Variants in ADGRL2 observed in about 807,000 individuals in gnomAD.
ADGRL2 encodes calcium-independent alpha-latrotoxin receptor 2.
A neutral mutation model predicts 157.4 loss-of-function variants in ADGRL2; 44 were observed. That is an observed-to-expected ratio of 0.28 (90% CI 0.22 to 0.36). The LOEUF (loss-of-function observed/expected upper bound fraction) is 0.36. Among genes scored for constraint, ADGRL2 ranks in the 10% least tolerant of loss-of-function variants. The probability of loss-of-function intolerance (pLI) is 1.00; values close to 1 mark genes in which losing one functional copy is unlikely to be tolerated. For missense variants in ADGRL2, 1,510 were observed against 1,768.9 expected (o/e 0.85, Z 2.63); for synonymous variants, 585 against 624.7 (o/e 0.94, Z 0.95).
chr1:81,426,974 G>T, intron 1 of ADGRL2: 1 of 818,246 alleles, frequency 1.2e-6, no homozygotes, highest in Non-Finnish European at 2.1e-6. Flanking sequence ...TGCAACTTTT[G>T]ATGATCACGA....
intron 3 of ADGRL2, among the ~76,000 whole-genome samples, chr1:81,661,841 C>T (rs972040533): frequency 7.9e-5 from 12 of 152,106 alleles, no homozygotes; most frequent in African/African-American, 2.9e-4. Context: ...GTATTGAAAA[C>T]AACAGGATGG....
At chr1:81,403,081 G>T (rs910446119) in intron 1 of ADGRL2, among the ~76,000 whole-genome samples, 7 of 152,050 alleles carry the variant, frequency 4.6e-5, no homozygotes, top group African/African-American at 1.7e-4. Context: ...TCAGTTGAGA[G>T]AAGGCCTAAC....
chr1:81,801,671 C>T (rs2088171248), intron 1 of ADGRL2, among the ~76,000 whole-genome samples: 1 of 152,142 alleles, frequency 6.6e-6, no homozygotes, highest in African/African-American at 2.4e-5. Flanking sequence ...GAGGGGTCGC[C>T]GCCGCCTCCC....
At chr1:81,385,068 G>A (rs1264348424) in intron 1 of ADGRL2, among the ~76,000 whole-genome samples, 1 of 152,028 alleles carries the variant, frequency 6.6e-6, no homozygotes, top group Non-Finnish European at 1.5e-5. Context: ...GGTAGTCTTT[G>A]ATAAATATAT....
At chr1:81,862,164 A>G (rs559426741) in intron 2 of ADGRL2, among the ~76,000 whole-genome samples, 2 of 152,294 alleles carry the variant, frequency 1.3e-5, no homozygotes, top group South Asian at 2.1e-4. Flanking sequence ...TAATGTGGAC[A>G]CTTAATATGT....
At chr1:81,938,622 TC>T (rs2095343836) in intron 4 of ADGRL2, among the ~76,000 whole-genome samples, 1 of 151,720 alleles carries the variant, frequency 6.6e-6, no homozygotes, top group Non-Finnish European at 1.5e-5. Flanking sequence ...CTGTTACCTT[TC>T]TAGACATTTG....
At chr1:81,889,889 A>C (rs2094216548) in intron 2 of ADGRL2, among the ~76,000 whole-genome samples, 1 of 152,186 alleles carries the variant, frequency 6.6e-6, no homozygotes, top group Admixed American at 6.5e-5. Flanking sequence ...AGGAATACAG[A>C]TGTACCCACC....
rs192933364 is a variant in ADGRL2 at position 81,360,327 on chromosome 1, A to C, written c.-302+53818A>C. On this transcript the variant is annotated intron_variant, in intron 1 of 24. Coordinates refer to the ADGRL2 transcript ENST00000370721. ...TTCTCAATTCTAATATTATTTCATC[A>C]AAGAGACTTTTCCCAGCCACAAAAA... 3.3e-5 allele frequency among the ~76,000 whole-genome samples: 5 copies of C among 151,910 alleles called. No homozygotes were observed. In the South Asian group the frequency reaches 1.0e-3, roughly 32 times the overall value.
At chr1:81,909,184 C>CT (rs1027468027) in intron 3 of ADGRL2, among the ~76,000 whole-genome samples, 16 of 151,686 alleles carry the variant, frequency 1.1e-4, no homozygotes, top group Non-Finnish European at 2.4e-4. Context: ...CCTTGTATAT[C>CT]TTTTTTGTAT....
At chr1:81,780,136 G>C (rs891377299) in intron 2 of ADGRL2, among the ~76,000 whole-genome samples, 2 of 152,074 alleles carry the variant, frequency 1.3e-5, no homozygotes, top group African/African-American at 4.8e-5. Flanking sequence ...CCATCTACAG[G>C]TTCTTGGATT....
At chr1:81,434,526 G>A (rs2077376418) in intron 1 of ADGRL2, among the ~76,000 whole-genome samples, 1 of 152,014 alleles carries the variant, frequency 6.6e-6, no homozygotes, top group Admixed American at 6.6e-5. Flanking sequence ...ATAAATATGT[G>A]TTGAATTAAT....
rs144812152 is a variant in ADGRL2 at position 81,616,039 on chromosome 1, C to A, written c.-143+35059C>A. On this transcript the variant is annotated intron_variant, in intron 3 of 24. Transcript: ENST00000370721. ...CACTGCGCACTCAAGCCTCACCCTT[C>A]CCCACCCCCACCCAACATCAAGGCC... Among the ~76,000 whole-genome samples the A allele has an allele frequency of 4.7e-3, 688 of 145,580 alleles. 10 individuals are homozygous for A. The highest frequency in any genetic ancestry group is 0.016 in the African/African-American group (642 of 39,786).
intron 1 of ADGRL2, among the ~76,000 whole-genome samples, chr1:81,422,541 A>G (rs917472377): frequency 6.6e-6 from 1 of 152,246 alleles, no homozygotes; most frequent in African/African-American, 2.4e-5. Flanking sequence ...CACCACGCCC[A>G]GCCAAATGTA....
intron 2 of ADGRL2, among the ~76,000 whole-genome samples, chr1:81,515,511 C>T (rs546691667): frequency 6.6e-6 from 1 of 150,478 alleles, no homozygotes; most frequent in African/African-American, 2.4e-5. Context: ...TTATTTATGA[C>T]AGTGTCTGTA....
chr1:81,934,075 A>C (rs958539651), intron 3 of ADGRL2, among the ~76,000 whole-genome samples: 3 of 152,116 alleles, frequency 2.0e-5, no homozygotes, highest in Non-Finnish European at 2.9e-5. Context: ...CAGGAGCTTC[A>C]TTAAATCAGT....
At chr1:81,509,373 A>G (rs2079035530) in intron 2 of ADGRL2, among the ~76,000 whole-genome samples, 1 of 138,024 alleles carries the variant, frequency 7.2e-6, no homozygotes, top group Admixed American at 7.1e-5. Flanking sequence ...GTGATATGGT[A>G]AAAAAAAAAA....
chr1:81,706,353 T>G (rs1024800715), intron 1 of ADGRL2, among the ~76,000 whole-genome samples: 9 of 152,226 alleles, frequency 5.9e-5, no homozygotes, highest in Non-Finnish European at 7.3e-5. Flanking sequence ...TACTTGACTT[T>G]AAGGTTTCAA....
intron 1 of ADGRL2, among the ~76,000 whole-genome samples, chr1:81,369,794 A>C (rs2076131045): frequency 6.6e-6 from 1 of 152,236 alleles, no homozygotes; most frequent in South Asian, 2.1e-4. Flanking sequence ...ATTAATTTGC[A>C]TGAAGCACTT....
chr1:81,841,813 C>T (rs2092592719), intron 2 of ADGRL2, among the ~76,000 whole-genome samples: 1 of 152,084 alleles, frequency 6.6e-6, no homozygotes, highest in African/African-American at 2.4e-5. Context: ...ATAGCTGTCA[C>T]ATAAATAGAA....
Sources: allele counts gnomAD v4.1 joint callset (sites outside exome capture counted in the v4.1 genomes callset), GRCh38; gene constraint gnomAD v4.1.1; transcripts MANE v1.5; gene names NCBI Gene and HGNC (gene_info 2026-07-23, HGNC 2026-07-21).